Variants in FXYD1 observed in about 807,000 individuals in gnomAD.
FXYD1 encodes the protein FXYD domain containing ion transport regulator 1.
FXYD1 carries 9 observed loss-of-function variants against 17.2 expected under a neutral mutation model. That is an observed-to-expected ratio of 0.52 (90% CI 0.32 to 0.91). The LOEUF (loss-of-function observed/expected upper bound fraction) is 0.91, where lower values mean the gene tolerates loss of function less well. Ranked by LOEUF, FXYD1 falls within the 40% of genes least tolerant of loss-of-function variation. FXYD1 has a pLI of 0.04. For synonymous variants in FXYD1, 55 were observed against 45.8 expected, an observed-to-expected ratio of 1.20 and a Z score of -0.81; for missense variants, 113 against 120.6, an observed-to-expected ratio of 0.94 and a Z score of 0.29.
In FXYD1 at chr19:35,141,209, G is replaced by C; in HGVS notation, c.169+3G>C. 6.3e-7 allele frequency: 1 copy of C among 1,588,054 alleles called. No individual in the cohort carries two copies. Reference sequence around the variant, plus strand: ...CCTGGGCATCCTCATCGTGCTGAGTGAGTGCCCCTAGCTCCCGCCCTCTAC... The same window carrying C: ...CCTGGGCATCCTCATCGTGCTGAGTCAGTGCCCCTAGCTCCCGCCCTCTAC... On this transcript the variant is annotated splice_donor_region_variant and intron_variant, in intron 4 of 7. Coordinates refer to ENST00000351325, the MANE Select transcript of FXYD1 (RefSeq NM_021902.4).
chr19:35,141,635 C>A, intron 5 of FXYD1, 63 bp downstream of exon 5: 1 of 1,346,566 alleles, frequency 7.4e-7, no homozygotes, highest in Non-Finnish European at 1.1e-6. Context: ...GCGGGTGAGG[C>A]GGGGAGTACC....
Position 35,141,566 on chromosome 19 carries a change from A to G in FXYD1, c.200A>G (p.Gln67Arg), listed in dbSNP as rs1400611711. Residue 67 changes from glutamine (Q) to arginine (R), a missense_variant, in exon 5 of 8, where the codon CAG becomes CGG. Transcript: ENST00000351325. ...SRRCRCKFNQ[Q>R]QRTGEPDEEE... Reference sequence around the variant, plus strand: ...AGATGCCGGTGCAAGTTCAACCAGCAGCAGAGGTAAGACGCCCCTCCCCGC... The same window carrying G: ...AGATGCCGGTGCAAGTTCAACCAGCGGCAGAGGTAAGACGCCCCTCCCCGC... 2 of 1,610,698 alleles carry G rather than the reference A, an allele frequency of 1.2e-6. No homozygotes were observed. The highest frequency in any genetic ancestry group is 2.2e-5 in the East Asian group (1 of 44,762).
At position 35,142,711 on chromosome 19, in the gene FXYD1, T is replaced by TC; in HGVS notation, c.257-3dup. ...CCAGAATGACCCCCGATCTCCGTGT[T>TC]CCCCCCAGGTCTGTCCACCCGCAGG... On this transcript the variant is annotated splice_polypyrimidine_tract_variant and intron_variant, in intron 6 of 7. Transcript: ENST00000351325. 1.2e-6 allele frequency: 2 copies of TC among 1,613,142 alleles called. No individual in the cohort carries two copies. Among genetic ancestry groups the TC allele is most frequent in the Non-Finnish European group, 8.5e-7 (1 of 1,179,568 alleles).
Position 35,140,175 on chromosome 19 carries a change from A to C in FXYD1, c.61+35A>C, listed in dbSNP as rs775861559. The stretch of plus-strand genomic sequence containing the variant: ...GGGGAGGCTGCCCGCTACCCACCTC[A>C]GCCCCAGGGGTGGCGGTGGGGACCG... On this transcript the variant is annotated intron_variant, in intron 2 of 7. Transcript: ENST00000351325. 5 of 1,206,940 alleles carry C rather than the reference A, an allele frequency of 4.1e-6. No individual in the cohort carries two copies. The Admixed American group carries it at 5.0e-5, about 12-fold the overall frequency. 74.8% of individuals were successfully genotyped at this position (1,206,940 alleles called of 1,614,324 possible). A position where few individuals can be genotyped will look rare whatever the true frequency, so the allele number is the denominator to read the frequency against.
intron 1 of FXYD1, 193 bp from the exon 2 acceptor site, chr19:35,139,883 T>C (rs2065235233): frequency 1.8e-6 from 1 of 570,952 alleles, no homozygotes; most frequent in Non-Finnish European, 3.2e-6. Flanking sequence ...GATCCCATCG[T>C]GGAGGTTGTT....
intron 4 of FXYD1, 96 bp downstream of exon 4, chr19:35,141,302 C>A: frequency 6.8e-6 from 2 of 295,074 alleles, no homozygotes; most frequent in South Asian, 6.8e-5. Context: ...CCCTAGCCCC[C>A]CTCTCCCTGG....
Position 35,141,222 on chromosome 19 carries a change from T to G in FXYD1, c.169+16T>G. 4 of 1,510,934 alleles carry G rather than the reference T, an allele frequency of 2.6e-6. No homozygotes were observed. The highest frequency in any genetic ancestry group is 3.7e-6 in the Non-Finnish European group (4 of 1,095,536). 93.6% of individuals were successfully genotyped at this position (1,510,934 alleles called of 1,614,324 possible). A position where few individuals can be genotyped will look rare whatever the true frequency, so the allele number is the denominator to read the frequency against. ...ATCGTGCTGAGTGAGTGCCCCTAGC[T>G]CCCGCCCTCTACCCCGCCTCTCCCT... On this transcript the variant is annotated intron_variant, in intron 4 of 7. Transcript: ENST00000351325.
At chr19:35,141,301 C>CG (rs1237463362) in intron 4 of FXYD1, 95 bp downstream of exon 4, 2 of 298,236 alleles carry the variant, frequency 6.7e-6, no homozygotes, top group East Asian at 6.0e-5. Flanking sequence ...TCCCTAGCCC[C>CG]CCTCTCCCTG....
Position 35,141,018 on chromosome 19 carries a change from T to TC in FXYD1, c.95-108dup, listed in dbSNP as rs2065246887. On this transcript the variant is annotated intron_variant, in intron 3 of 7. Transcript: ENST00000351325. The stretch of plus-strand genomic sequence containing the variant: ...TCTGCTCCCCCTTAATTATCTTACT[T>TC]CCCCCCTTCTGCCTGCTGGTCCTTT... The TC allele has an allele frequency of 4.4e-6, 3 of 684,238 alleles. 1 individual carries two copies. Among genetic ancestry groups the TC allele is most frequent in the East Asian group, 2.7e-5 (1 of 36,752 alleles). The allele number at this position is 684,238 out of a possible 1,614,324, so 42.4% of individuals were successfully genotyped here. A position where few individuals can be genotyped will look rare whatever the true frequency, so the allele number is the denominator to read the frequency against.
chr19:35,139,067 C>T (rs2065226562), intron 1 of FXYD1, 173 bp downstream of exon 1: 1 of 152,340 alleles, frequency 6.6e-6, no homozygotes, highest in Admixed American at 6.5e-5. Context: ...CTCCTCCCTG[C>T]CCTGCTGGTG....
rs371429019 is a variant in FXYD1 at position 35,142,433 on chromosome 19, C to T, written c.207-39C>T. ...GGTTCCTAGAAGGGCAGCCTCTCCCCCTTTCCATCCCGAAATCCCTCTGCC... is the reference window on the plus strand; with the variant it reads ...GGTTCCTAGAAGGGCAGCCTCTCCCTCTTTCCATCCCGAAATCCCTCTGCC... On this transcript the variant is annotated intron_variant, in intron 5 of 7. Transcript: ENST00000351325. The T allele has an allele frequency of 6.3e-5, 97 of 1,549,544 alleles. 1 individual carries two copies. The South Asian group carries it at 1.0e-3, about 17-fold the overall frequency.
chr19:35,140,775 C>A, intron 3 of FXYD1, 146 bp downstream of exon 3: 1 of 655,476 alleles, frequency 1.5e-6, no homozygotes, highest in Non-Finnish European at 2.7e-6. Flanking sequence ...CTGATTCCAC[C>A]TGTCTGCATC....
In FXYD1 at chr19:35,141,394, T is replaced by G. The variant is rs915889706; in HGVS notation, c.170-142T>G. ...AGGCCTTGCCCCGCCTACCCTGCCT[T>G]GGTTCCCCGGCCCCCGGTCTCGCCT... On this transcript the variant is annotated intron_variant, in intron 4 of 7. Coordinates refer to ENST00000351325, the MANE Select transcript of FXYD1 (RefSeq NM_021902.4). The G allele has an allele frequency of 4.7e-6, 3 of 643,474 alleles. No homozygotes were observed. The African/African-American group carries it at 6.0e-5, about 13-fold the overall frequency. The allele number at this position is 643,474 out of a possible 1,614,324, so 39.9% of individuals were successfully genotyped here.
upstream of FXYD1, chr19:35,138,673 G>T (rs937974865): frequency 1.3e-5 from 2 of 152,244 alleles, no homozygotes; most frequent in African/African-American, 4.8e-5. Context: ...TTAACCAAGC[G>T]GGCCAGGGCA....
intron 3 of FXYD1, 180 bp from the exon 4 acceptor site, chr19:35,140,952 C>T: frequency 1.8e-6 from 1 of 554,534 alleles, no homozygotes; most frequent in Non-Finnish European, 3.2e-6. Flanking sequence ...TTCCTATACA[C>T]CCCTTTCCTC....
rs766136211 is a variant in FXYD1 at position 35,141,590 on chromosome 19, G to C, written c.206+18G>C. 6.3e-7 allele frequency: 1 copy of C among 1,599,894 alleles called. No individual in the cohort carries two copies. Among genetic ancestry groups the C allele is most frequent in the Non-Finnish European group, 8.5e-7 (1 of 1,171,746 alleles). ...CAGCAGAGGTAAGACGCCCCTCCCC[G>C]CCCTCCTTCGCCCGCTCCTGCTCTG... is the stretch of plus-strand genomic sequence containing the variant. On this transcript the variant is annotated intron_variant, in intron 5 of 7. Coordinates refer to ENST00000351325, the MANE Select transcript of FXYD1 (RefSeq NM_021902.4).
intron 3 of FXYD1, 109 bp from the exon 4 acceptor site, chr19:35,141,023 C>A (rs190559767): frequency 2.8e-6 from 2 of 713,662 alleles, no homozygotes; most frequent in East Asian, 2.6e-5. Flanking sequence ...TTACTTCCCC[C>A]CTTCTGCCTG....
In FXYD1 at chr19:35,141,198, T is replaced by C. The variant is rs1402638883; in HGVS notation, c.161T>C (p.Ile54Thr). The C allele has an allele frequency of 1.3e-6, 2 of 1,599,016 alleles. No individual in the cohort carries two copies. Residue 54 changes from isoleucine to threonine, a missense_variant, in exon 4 of 8, where the codon ATC becomes ACC. Transcript: ENST00000351325. ...AGILFILGIL[I>T]VLSRRCRCKF... is the part of the protein sequence containing the mutation. ...ATCCTCTTCATCCTGGGCATCCTCATCGTGCTGAGTGAGTGCCCCTAGCTC... is the reference window on the plus strand; with the variant it reads ...ATCCTCTTCATCCTGGGCATCCTCACCGTGCTGAGTGAGTGCCCCTAGCTC...
Position 35,140,614 on chromosome 19 carries a change from G to C in FXYD1, c.79G>C (p.Asp27His), listed in dbSNP as rs2065242338. The C allele has an allele frequency of 6.2e-7, 1 of 1,613,508 alleles. No homozygotes were observed. The highest frequency in any genetic ancestry group is 8.5e-7 in the Non-Finnish European group (1 of 1,179,756). The change falls in exon 3 of 8, where the codon GAC (aspartate) becomes CAC (histidine). Residue 27 changes from aspartate (D) to histidine (H), a missense_variant. Coordinates refer to ENST00000351325, the MANE Select transcript of FXYD1 (RefSeq NM_021902.4). Reference sequence around the variant, plus strand: ...CTTTCCAGAAAGTCCAAAGGAACACGACCCGTTCACTTACGGTGAGCGGGG... The same window carrying C: ...CTTTCCAGAAAGTCCAAAGGAACACCACCCGTTCACTTACGGTGAGCGGGG... ...MAKAESPKEH[D>H]PFTYDYQSLQ...
Sources: allele counts gnomAD v4.1 joint callset, GRCh38; gene constraint gnomAD v4.1.1; transcripts MANE v1.5; gene names NCBI Gene and HGNC (gene_info 2026-07-23, HGNC 2026-07-21).